MYOM2: variants seen among roughly 807,000 people sequenced by gnomAD.
MYOM2 encodes myomesin-2.
In MYOM2, 254 loss-of-function variants were observed where a neutral mutation model predicts 187.6. The ratio of observed to expected loss-of-function variants is 1.35; its 90% confidence interval spans 1.22 to 1.50. The LOEUF is 1.50. MYOM2 is among the 40% of genes most tolerant of loss of function. The probability of loss-of-function intolerance (pLI) is 0.00; values close to 1 mark genes in which losing one functional copy is unlikely to be tolerated. For synonymous variants in MYOM2, 981 were observed against 753.8 expected (o/e 1.30, Z -4.94); for missense variants, 2,796 against 1,924.0 (o/e 1.45, Z -8.48).
chr8:2,127,557 T>C (rs1345706600), intron 31 of MYOM2, among the ~76,000 whole-genome samples: 1 of 152,204 alleles, frequency 6.6e-6, no homozygotes, highest in Non-Finnish European at 1.5e-5. Flanking sequence ...TAGGGAGGTG[T>C]GGAAGTCCAG....
At chr8:2,057,513 G>C in intron 4 of MYOM2, 27 bp downstream of exon 4, 1 of 1,613,738 alleles carries the variant, frequency 6.2e-7, no homozygotes, top group South Asian at 1.1e-5. Flanking sequence ...GTGGCTGGGT[G>C]TCTGGGAAGC....
intron 31 of MYOM2, among the ~76,000 whole-genome samples, chr8:2,128,326 A>G (rs1283456290): frequency 2.0e-5 from 3 of 152,118 alleles, no homozygotes; most frequent in African/African-American, 4.8e-5. Context: ...AAAAATTACT[A>G]TTTAAAATGC....
Position 2,106,417 on chromosome 8 carries a change from T to A in MYOM2, c.2891+19T>A. The A allele has an allele frequency of 6.2e-7, 1 of 1,612,476 alleles. No individual in the cohort carries two copies. On this transcript the variant is annotated intron_variant, in intron 22 of 36. Transcript: ENST00000262113. The stretch of plus-strand genomic sequence containing the variant: ...GGGATCAGTAAGTGAGGCCTGGAAG[T>A]TGGATACTGGAAACTTTTAGAAGTT...
At chr8:2,102,839 T>C in intron 21 of MYOM2, 58 bp downstream of exon 21, 2 of 1,369,554 alleles carry the variant, frequency 1.5e-6, no homozygotes, top group Non-Finnish European at 2.1e-6. Flanking sequence ...AGTGTGCATG[T>C]ATTATGGATG....
At chr8:2,112,757 C>T (rs189172932) in intron 25 of MYOM2, among the ~76,000 whole-genome samples, 16 of 152,270 alleles carry the variant, frequency 1.1e-4, no homozygotes, top group African/African-American at 3.1e-4. Flanking sequence ...GAAAGAAGAA[C>T]ATGTGAAAAC....
At chr8:2,056,941 C>T (rs962297992) in intron 3 of MYOM2, among the ~76,000 whole-genome samples, 3 of 152,166 alleles carry the variant, frequency 2.0e-5, no homozygotes, top group Admixed American at 6.5e-5. Context: ...GTAACAATGT[C>T]TCTGTTTTTA....
chr8:2,067,819 A>G (rs774043302), intron 6 of MYOM2, among the ~76,000 whole-genome samples: 8 of 152,216 alleles, frequency 5.3e-5, no homozygotes, highest in Admixed American at 1.3e-4. Context: ...CAACTCAGAC[A>G]TTTCAATACA....
rs765398749 is a variant in MYOM2 at position 2,123,321 on chromosome 8, C to T, written c.3523C>T (p.Leu1175=). 5 of 1,613,962 alleles carry T rather than the reference C, an allele frequency of 3.1e-6. No homozygotes were observed. The South Asian group carries it at 4.4e-5, about 14-fold the overall frequency. The change falls in exon 29 of 37, where the codon CTG becomes TTG. Residue 1175 remains leucine, a synonymous_variant. Transcript: ENST00000262113. ...TGATGTTCTGTATGAAACGGAGACACTGCCTAACCTGGAGAGGGGAATCTG... is the reference window on the plus strand; with the variant it reads ...TGATGTTCTGTATGAAACGGAGACATTGCCTAACCTGGAGAGGGGAATCTG... ...KDDVLYETET[L]PNLERGICEL... is the part of the protein sequence containing the mutation.
chr8:2,058,483 A>G (rs1818748179), intron 5 of MYOM2, among the ~76,000 whole-genome samples: 2 of 152,224 alleles, frequency 1.3e-5, no homozygotes, highest in African/African-American at 4.8e-5. Context: ...GGGACTGCAG[A>G]TCTGCAGTTA....
intron 1 of MYOM2, among the ~76,000 whole-genome samples, chr8:2,049,783 C>T (rs749054026): frequency 7.2e-5 from 11 of 152,182 alleles, no homozygotes; most frequent in Non-Finnish European, 1.0e-4. Flanking sequence ...TCACTCAGCA[C>T]GTTGGCATTT....
rs1796640038 is a variant in MYOM2 at position 2,100,089 on chromosome 8, C to CTTCCTTTCTTCT, written c.2441-781_2441-780insTCTTCTTTCCTT. Among the ~76,000 whole-genome samples, 5 of 56,574 alleles carry CTTCCTTTCTTCT rather than the reference C, an allele frequency of 8.8e-5. 1 individual carries two copies. Among genetic ancestry groups the CTTCCTTTCTTCT allele is most frequent in the Non-Finnish European group, 1.6e-4 (5 of 32,140 alleles). 37.1% of individuals were successfully genotyped at this position (56,574 alleles called of 152,430 possible). On this transcript the variant is annotated intron_variant, in intron 19 of 36. Transcript: ENST00000262113. ...CCTTCTTTCCTTCCTTTCTTCTTTC[C>CTTCCTTTCTTCT]TTCCTTCCTTCCTTCCTTCTTTCTT...
Position 2,135,060 on chromosome 8 carries a change from A to G in MYOM2, c.3801-5663A>G, listed in dbSNP as rs147258211. 3.9e-5 allele frequency among the ~76,000 whole-genome samples: 6 copies of G among 152,250 alleles called. No homozygotes were observed. In the Middle Eastern group the frequency reaches 0.01, roughly 259 times the overall value. ...CTAGAATCTGATTGGATCCCAGCCC[A>G]ACTCCACAGCCTTCATTCAAGCCTT... is the stretch of plus-strand genomic sequence containing the variant. On this transcript the variant is annotated intron_variant, in intron 32 of 36. Coordinates refer to ENST00000262113, the MANE Select transcript of MYOM2 (RefSeq NM_003970.4).
At chr8:2,068,264 C>T (rs1392452634) in intron 6 of MYOM2, among the ~76,000 whole-genome samples, 1 of 151,402 alleles carries the variant, frequency 6.6e-6, no homozygotes, top group Non-Finnish European at 1.5e-5. Context: ...TCTTCAATGC[C>T]TGTGTGCACC....
intron 24 of MYOM2, 145 bp from the exon 25 acceptor site, chr8:2,109,249 AT>A: frequency 1.0e-6 from 1 of 972,944 alleles, no homozygotes; most frequent in Non-Finnish European, 1.4e-6. Context: ...TTTATTTTAT[AT>A]TTTTAGCTTC....
At chr8:2,094,607 T>A (rs932882663) in intron 17 of MYOM2, among the ~76,000 whole-genome samples, 1 of 152,194 alleles carries the variant, frequency 6.6e-6, no homozygotes, top group African/African-American at 2.4e-5. Context: ...GCCAAGATCG[T>A]GCCACTGTAC....
intron 31 of MYOM2, 92 bp downstream of exon 31, chr8:2,124,309 A>G (rs766071120): frequency 3.8e-6 from 5 of 1,313,580 alleles, no homozygotes; most frequent in Non-Finnish European, 5.4e-6. Context: ...AGAGGGCACC[A>G]TGGAGCTGTG....
rs370746828 is a variant in MYOM2 at position 2,116,192 on chromosome 8, TA to T, written c.3326-23del. 81 of 1,598,644 alleles carry T rather than the reference TA, an allele frequency of 5.1e-5. No individual in the cohort carries two copies. The East Asian group carries it at 1.1e-3, about 21-fold the overall frequency. On this transcript the variant is annotated intron_variant, in intron 26 of 36. Transcript: ENST00000262113. ...GAGAGAAGCAAACATGTTTCATATA[TA>T]TTTTTTTAAATATTGAATTTAGCAT...
At chr8:2,122,467 G>C (rs958132443) in intron 28 of MYOM2, among the ~76,000 whole-genome samples, 18 of 152,204 alleles carry the variant, frequency 1.2e-4, no homozygotes, top group African/African-American at 4.3e-4. Context: ...ATTTCCCATA[G>C]CGGATGTGGA....
intron 8 of MYOM2, among the ~76,000 whole-genome samples, chr8:2,069,734 G>C (rs942434073): frequency 1.3e-5 from 2 of 152,086 alleles, no homozygotes; most frequent in East Asian, 3.9e-4. Flanking sequence ...GCTCCTCCAA[G>C]TTTCTCCTGG....
Sources: allele counts gnomAD v4.1 joint callset (sites outside exome capture counted in the v4.1 genomes callset), GRCh38; gene constraint gnomAD v4.1.1; transcripts MANE v1.5; gene names NCBI Gene and HGNC (gene_info 2026-07-23, HGNC 2026-07-21).